CNTN5: variants seen among roughly 807,000 people sequenced by gnomAD.
CNTN5 encodes the protein contactin-5.
Under a neutral mutation model 129.1 loss-of-function variants are expected in CNTN5, and 77 were observed. That is an observed-to-expected ratio of 0.60 (90% CI 0.50 to 0.72). CNTN5 has a LOEUF of 0.72. CNTN5 is among the 30% of genes least tolerant of loss of function. The pLI, the probability that CNTN5 is intolerant of heterozygous loss-of-function variation, is 0.00. For synonymous variants in CNTN5, 509 were observed against 465.6 expected, an observed-to-expected ratio of 1.09 and a Z score of -1.20; for missense variants, 1,478 against 1,328.8, an observed-to-expected ratio of 1.11 and a Z score of -1.75.
At chr11:99,753,836 T>C (rs1944319619) in intron 3 of CNTN5, among the ~76,000 whole-genome samples, 1 of 150,874 alleles carries the variant, frequency 6.6e-6, no homozygotes, top group Non-Finnish European at 1.5e-5. Context: ...TACAGGTGTG[T>C]GCCACCACAC....
intron 3 of CNTN5, among the ~76,000 whole-genome samples, chr11:99,620,257 T>G (rs896350569): frequency 6.6e-6 from 1 of 151,918 alleles, no homozygotes; most frequent in Admixed American, 6.6e-5. Context: ...TTGTGTTCAT[T>G]GTTATTTTAT....
chr11:100,076,446 G>A (rs1192259438), intron 13 of CNTN5, among the ~76,000 whole-genome samples: 4 of 152,016 alleles, frequency 2.6e-5, no homozygotes, highest in Non-Finnish European at 5.9e-5. Flanking sequence ...ACAGGATTAT[G>A]AGTATTCTAT....
At chr11:99,786,979 T>A (rs1346253226) in intron 3 of CNTN5, among the ~76,000 whole-genome samples, 1 of 152,160 alleles carries the variant, frequency 6.6e-6, no homozygotes, top group African/African-American at 2.4e-5. Context: ...CTTAGAAACA[T>A]TTAGATGTAA....
chr11:100,078,456 A>G (rs999336942), intron 13 of CNTN5, among the ~76,000 whole-genome samples: 2 of 152,154 alleles, frequency 1.3e-5, no homozygotes, highest in Middle Eastern at 3.2e-3. Context: ...TTTATATCAC[A>G]GAATGATCAA....
At chr11:100,248,382 A>C (rs34062584) in intron 16 of CNTN5, among the ~76,000 whole-genome samples, 1 of 151,842 alleles carries the variant, frequency 6.6e-6, no homozygotes, top group Non-Finnish European at 1.5e-5. Flanking sequence ...CCATCTCTAT[A>C]AAAAAATTAA....
At chr11:99,965,966 T>G (rs1951082786) in intron 8 of CNTN5, among the ~76,000 whole-genome samples, 1 of 152,198 alleles carries the variant, frequency 6.6e-6, no homozygotes, top group Admixed American at 6.5e-5. Context: ...AAATAGAATA[T>G]ATATTGCACC....
chr11:99,335,856 G>A (rs1866197181), intron 2 of CNTN5, among the ~76,000 whole-genome samples: 1 of 152,054 alleles, frequency 6.6e-6, no homozygotes, highest in Admixed American at 6.6e-5. Context: ...CCCTCGAGAT[G>A]AGACAATGAG....
Position 99,483,155 on chromosome 11 carries a change from A to G in CNTN5, c.-70-72990A>G, listed in dbSNP as rs545264018. ...CGCGCCACTGCACTCCAGCCTGGCA[A>G]CAGAGTGAGACTCCTTCTCAAAAAA... On this transcript the variant is annotated intron_variant, in intron 2 of 24. Coordinates refer to ENST00000524871, the MANE Select transcript of CNTN5 (RefSeq NM_014361.4). Among the ~76,000 whole-genome samples the G allele has an allele frequency of 2.4e-3, 321 of 135,748 alleles. 2 individuals are homozygous for G. Among genetic ancestry groups the G allele is most frequent in the African/African-American group, 7.9e-3 (290 of 36,586 alleles). 89.1% of individuals were successfully genotyped at this position (135,748 alleles called of 152,430 possible). A position where few individuals can be genotyped will look rare whatever the true frequency, so the allele number is the denominator to read the frequency against.
At chr11:99,676,708 A>G (rs1953300322) in intron 3 of CNTN5, among the ~76,000 whole-genome samples, 1 of 152,210 alleles carries the variant, frequency 6.6e-6, no homozygotes, top group African/African-American at 2.4e-5. Flanking sequence ...CATATACCCT[A>G]GAACTTAAAG....
intron 13 of CNTN5, among the ~76,000 whole-genome samples, chr11:100,101,992 A>G (rs1945240399): frequency 6.6e-6 from 1 of 152,136 alleles, no homozygotes; most frequent in African/African-American, 2.4e-5. Context: ...GAGCACTTAC[A>G]TTGGTTCCAT....
chr11:99,583,305 C>A (rs1205770866), intron 3 of CNTN5, among the ~76,000 whole-genome samples: 1 of 152,230 alleles, frequency 6.6e-6, no homozygotes, highest in Non-Finnish European at 1.5e-5. Flanking sequence ...TGCCCATTCT[C>A]AGATCTCAAG....
chr11:99,927,872 A>C (rs892267110), intron 7 of CNTN5, among the ~76,000 whole-genome samples: 1 of 152,162 alleles, frequency 6.6e-6, no homozygotes, highest in African/African-American at 2.4e-5. Context: ...TAATTCTGGC[A>C]TTAACTCAAA....
chr11:100,110,196 A>G lies in CNTN5; in HGVS notation c.1580+35902A>G, dbSNP rs544990459. Reference sequence around the variant, plus strand: ...AGTGAGACCCTATCTAAAAAAAAAAAAAAAGAAAAGAAAAAGAAAAGATAA... The same window carrying G: ...AGTGAGACCCTATCTAAAAAAAAAAGAAAAGAAAAGAAAAAGAAAAGATAA... On this transcript the variant is annotated intron_variant, in intron 13 of 24. Coordinates refer to ENST00000524871, the MANE Select transcript of CNTN5 (RefSeq NM_014361.4). Among the ~76,000 whole-genome samples, 1,205 of 145,590 alleles carry G rather than the reference A, an allele frequency of 8.3e-3. 16 individuals are homozygous for G. The highest frequency in any genetic ancestry group is 0.03 in the African/African-American group (1,063 of 35,740).
chr11:99,352,196 T>C (rs1938344643), intron 2 of CNTN5, among the ~76,000 whole-genome samples: 1 of 152,232 alleles, frequency 6.6e-6, no homozygotes, highest in South Asian at 2.1e-4. Context: ...AGGAGCCTGT[T>C]GTTGTTCCCA....
At chr11:99,953,561 G>A (rs184982568) in intron 7 of CNTN5, among the ~76,000 whole-genome samples, 1 of 152,306 alleles carries the variant, frequency 6.6e-6, no homozygotes, top group African/African-American at 2.4e-5. Flanking sequence ...TTAACCCTGA[G>A]GAGATCTTGG....
chr11:100,243,721 G>A (rs1454404380), intron 16 of CNTN5, among the ~76,000 whole-genome samples: 4 of 152,110 alleles, frequency 2.6e-5, no homozygotes, highest in African/African-American at 7.2e-5. Context: ...ATAAAATTGT[G>A]TTTTTCACTT....
chr11:99,299,657 C>T (rs1378636353), intron 1 of CNTN5, among the ~76,000 whole-genome samples: 1 of 152,146 alleles, frequency 6.6e-6, no homozygotes, highest in African/African-American at 2.4e-5. Flanking sequence ...ATTTGATTTT[C>T]TGTTTCTGAG....
chr11:100,020,395 C>G (rs893688662), intron 9 of CNTN5, among the ~76,000 whole-genome samples: 1 of 151,920 alleles, frequency 6.6e-6, no homozygotes, highest in African/African-American at 2.4e-5. Context: ...CTGTCCTTTC[C>G]TCATGGTGTG....
intron 18 of CNTN5, among the ~76,000 whole-genome samples, chr11:100,288,453 C>A (rs187950118): frequency 9.9e-5 from 15 of 152,072 alleles, no homozygotes; most frequent in Non-Finnish European, 1.0e-4. Context: ...GGATTAAGAA[C>A]CTCACCCAAA....
Sources: allele counts gnomAD v4.1 joint callset (sites outside exome capture counted in the v4.1 genomes callset), GRCh38; gene constraint gnomAD v4.1.1; transcripts MANE v1.5; gene names NCBI Gene and HGNC (gene_info 2026-07-23, HGNC 2026-07-21).